RNF187: variants seen among roughly 807,000 people sequenced by gnomAD.
RNF187 encodes the protein ring finger protein 187, also known as E3 ubiquitin-protein ligase RNF187.
Under a neutral mutation model 22.2 loss-of-function variants are expected in RNF187, and 18 were observed. The observed-to-expected ratio is 0.81, with a 90% CI of 0.56 to 1.20. The LOEUF is 1.20. Among genes scored for constraint, RNF187 ranks in the 50% most tolerant of loss-of-function variants. The pLI is 0.00. For synonymous variants in RNF187, 164 were observed against 140.9 expected, an observed-to-expected ratio of 1.16 and a Z score of -1.16; for missense variants, 329 against 317.6, an observed-to-expected ratio of 1.04 and a Z score of -0.27.
chr1:228,487,685 C>T lies in RNF187; in HGVS notation c.197C>T (p.Pro66Leu). ...CAGCGCGCCGTGGAGCCCGGCAGGC[C>T]CCCGCTCAGCCGCCGCCTTCTGGCG... Residue 66 changes from proline to leucine, a missense_variant, in exon 1 of 4, where the codon CCC (proline) becomes CTC (leucine). Transcript: ENST00000305943. 10 of 1,081,978 alleles carry T rather than the reference C, an allele frequency of 9.2e-6. No homozygotes were observed. The highest frequency in any genetic ancestry group is 1.1e-5 in the Non-Finnish European group (10 of 892,876). The allele number at this position is 1,081,978 out of a possible 1,614,324, so 67.0% of individuals were successfully genotyped here. A position where few individuals can be genotyped will look rare whatever the true frequency, so the allele number is the denominator to read the frequency against.
chr1:228,490,584 C>T, intron 2 of RNF187, among the ~76,000 whole-genome samples: 7 of 152,324 alleles, frequency 4.6e-5, no homozygotes, highest in African/African-American at 1.2e-4. Context: ...GAGTTTGCAG[C>T]GTGTTGCATC....
In RNF187 at chr1:228,495,509, C is replaced by T; in HGVS notation, c.*1624C>T. On this transcript the variant is annotated 3_prime_UTR_variant, in exon 4 of 4. Transcript: ENST00000305943. ...AACAACATCCCGACCCTGAGACCTC[C>T]AGTTTGTCTTTCTCACTGTCTCCGC... 1 of 985,482 alleles carries T rather than the reference C, an allele frequency of 1.0e-6. No individual in the cohort carries two copies. The allele number at this position is 985,482 out of a possible 1,614,324, so 61.0% of individuals were successfully genotyped here.
chr1:228,495,006 C>A lies in RNF187; in HGVS notation c.*1121C>A. 1 of 985,726 alleles carries A rather than the reference C, an allele frequency of 1.0e-6. No homozygotes were observed. The highest frequency in any genetic ancestry group is 1.2e-6 in the Non-Finnish European group (1 of 830,220). The allele number at this position is 985,726 out of a possible 1,614,324, so 61.1% of individuals were successfully genotyped here. On this transcript the variant is annotated 3_prime_UTR_variant, in exon 4 of 4. Transcript: ENST00000305943. ...TCGTCTCCGTGTGTCCACCTGGCCT[C>A]TTCCCCCTGCCCTGGCCACCCTCCA...
At position 228,493,030 on chromosome 1, in the gene RNF187, C is replaced by A; in HGVS notation, c.484-23C>A. On this transcript the variant is annotated intron_variant, in intron 2 of 3. Transcript: ENST00000305943. This position sits in a 1 kb window ranked among gnomAD's most constrained non-coding sequence, Gnocchi z 4.7. ...GGGGAGGGTGGGTGAGGACACAGGT[C>A]TTTTCCTGCCACCCGTTTGCAGGGA... The A allele has an allele frequency of 6.6e-7, 1 of 1,525,804 alleles. No homozygotes were observed. Among genetic ancestry groups the A allele is most frequent in the Non-Finnish European group, 8.8e-7 (1 of 1,131,442 alleles). The allele number at this position is 1,525,804 out of a possible 1,614,324, so 94.5% of individuals were successfully genotyped here.
At chr1:228,490,390 C>T in intron 2 of RNF187, among the ~76,000 whole-genome samples, 1 of 152,256 alleles carries the variant, frequency 6.6e-6, no homozygotes, top group African/African-American at 2.4e-5. Flanking sequence ...GAGTGGTCAA[C>T]ACTGCCCAGT....
At chr1:228,487,913 C>T in intron 1 of RNF187, 35 bp downstream of exon 1, 5 of 1,150,252 alleles carry the variant, frequency 4.3e-6, no homozygotes, top group African/African-American at 1.6e-5. Flanking sequence ...CCACCCCGGA[C>T]GGTGCCCTGC....
chr1:228,493,791 C>T lies in RNF187; in HGVS notation c.706-92C>T. On this transcript the variant is annotated intron_variant, in intron 3 of 3. Transcript: ENST00000305943. This position sits in a 1 kb window ranked among gnomAD's most constrained non-coding sequence, Gnocchi z 4.7. ...TCATGCGCTGTCTCATGTGCGCTCTCTCTTTCGCTCTCTCCTTTTGCCTCT... is the reference window on the plus strand; with the variant it reads ...TCATGCGCTGTCTCATGTGCGCTCTTTCTTTCGCTCTCTCCTTTTGCCTCT... The T allele has an allele frequency of 7.3e-7, 1 of 1,372,016 alleles. No individual in the cohort carries two copies. 85.0% of individuals were successfully genotyped at this position (1,372,016 alleles called of 1,614,324 possible).
intron 2 of RNF187, among the ~76,000 whole-genome samples, chr1:228,490,514 G>A: frequency 6.6e-6 from 1 of 152,222 alleles, no homozygotes; most frequent in African/African-American, 2.4e-5. Context: ...AATCTGTCCT[G>A]TTTTGGGGGT....
Position 228,489,309 on chromosome 1 carries a change from A to T in RNF187, c.483+257A>T. Among the ~76,000 whole-genome samples, 7 of 151,712 alleles carry T rather than the reference A, an allele frequency of 4.6e-5. No homozygotes were observed. In the East Asian group the frequency reaches 1.4e-3, roughly 29 times the overall value. On this transcript the variant is annotated intron_variant, in intron 2 of 3. Coordinates refer to ENST00000305943, the MANE Select transcript of RNF187 (RefSeq NM_001010858.3). Reference sequence around the variant, plus strand: ...TACCTGTAGGTGATGGCAGCATCAGACTTCTTTTTTTTTTCCCAAGAGACA... The same window carrying T: ...TACCTGTAGGTGATGGCAGCATCAGTCTTCTTTTTTTTTTCCCAAGAGACA...
chr1:228,495,853 C>T lies in RNF187; in HGVS notation c.*1968C>T. On this transcript the variant is annotated 3_prime_UTR_variant, in exon 4 of 4. Transcript: ENST00000305943. The stretch of plus-strand genomic sequence containing the variant: ...TTTTGGTGGTGAGAATATTTGAAAT[C>T]TACACTCAGCAATTTCAAATACAGT... The T allele has an allele frequency of 1.4e-6, 1 of 693,052 alleles. No individual in the cohort carries two copies. The highest frequency in any genetic ancestry group is 7.4e-4 in the Middle Eastern group (1 of 1,344). The allele number at this position is 693,052 out of a possible 1,614,324, so 42.9% of individuals were successfully genotyped here.
chr1:228,489,928 G>A, intron 2 of RNF187, among the ~76,000 whole-genome samples: 2 of 152,184 alleles, frequency 1.3e-5, no homozygotes, highest in Admixed American at 6.5e-5. Context: ...CCAGAGCAGC[G>A]TTACTTTCCT....
chr1:228,492,679 G>A lies in RNF187; in HGVS notation c.484-374G>A. Among the ~76,000 whole-genome samples the A allele has an allele frequency of 1.8e-4, 24 of 131,458 alleles. No homozygotes were observed. The South Asian group carries it at 5.7e-3, about 31-fold the overall frequency. The allele number at this position is 131,458 out of a possible 152,430, so 86.2% of individuals were successfully genotyped here. A position where few individuals can be genotyped will look rare whatever the true frequency, so the allele number is the denominator to read the frequency against. On this transcript the variant is annotated intron_variant, in intron 2 of 3. Transcript: ENST00000305943. ...CTCGCTCTGTCGCCCAGGCTGGAGT[G>A]CAGTAGCATGAACTCGGGCTCACTG...
At position 228,493,570 on chromosome 1, in the gene RNF187, A is replaced by G; in HGVS notation, c.705+296A>G. Among the ~76,000 whole-genome samples the G allele has an allele frequency of 6.6e-6, 1 of 152,238 alleles. No individual in the cohort carries two copies. The highest frequency in any genetic ancestry group is 2.4e-5 in the African/African-American group (1 of 41,460). On this transcript the variant is annotated intron_variant, in intron 3 of 3. Transcript: ENST00000305943. This position sits in a 1 kb window ranked among gnomAD's most constrained non-coding sequence, Gnocchi z 4.7. ...CCTCGCCCTGGGGTCCTGAAGGCAG[A>G]AGCAGCCAAGAAACCCAACCTCAGG...
chr1:228,492,289 A>G, intron 2 of RNF187, among the ~76,000 whole-genome samples: 10 of 151,412 alleles, frequency 6.6e-5, no homozygotes, highest in Non-Finnish European at 1.2e-4. Context: ...GGCTCAAGCA[A>G]TCCTCCCACC....
Position 228,495,419 on chromosome 1 carries a change from C to T in RNF187, c.*1534C>T. 4.2e-6 allele frequency: 4 copies of T among 944,602 alleles called. No individual in the cohort carries two copies. The highest frequency in any genetic ancestry group is 5.0e-6 in the Non-Finnish European group (4 of 792,850). 58.5% of individuals were successfully genotyped at this position (944,602 alleles called of 1,614,324 possible). A position where few individuals can be genotyped will look rare whatever the true frequency, so the allele number is the denominator to read the frequency against. On this transcript the variant is annotated 3_prime_UTR_variant, in exon 4 of 4. Transcript: ENST00000305943. ...ATTTCATAAGAAAGGGCAAAGAGGG[C>T]CCTAGGAGAAGATTCCAGAGCCTGG... is the stretch of plus-strand genomic sequence containing the variant.
In RNF187 at chr1:228,494,462, T is replaced by A; in HGVS notation, c.*577T>A. 1.0e-6 allele frequency: 1 copy of A among 989,306 alleles called. No homozygotes were observed. Among genetic ancestry groups the A allele is most frequent in the Non-Finnish European group, 1.2e-6 (1 of 832,164 alleles). 61.3% of individuals were successfully genotyped at this position (989,306 alleles called of 1,614,324 possible). A position where few individuals can be genotyped will look rare whatever the true frequency, so the allele number is the denominator to read the frequency against. Reference sequence around the variant, plus strand: ...TGGGCCCGGCCCAGCCTTATCCAAGTCGCTCTGTCCACCTCCCCCTTCCTG... The same window carrying A: ...TGGGCCCGGCCCAGCCTTATCCAAGACGCTCTGTCCACCTCCCCCTTCCTG... On this transcript the variant is annotated 3_prime_UTR_variant, in exon 4 of 4. Coordinates refer to ENST00000305943, the MANE Select transcript of RNF187 (RefSeq NM_001010858.3).
chr1:228,488,298 G>A, intron 1 of RNF187: 1 of 153,168 alleles, frequency 6.5e-6, no homozygotes, highest in Admixed American at 6.5e-5. Flanking sequence ...CTCTTCCCTT[G>A]GGGGAGACAT....
At chr1:228,490,020 G>A in intron 2 of RNF187, among the ~76,000 whole-genome samples, 7 of 152,186 alleles carry the variant, frequency 4.6e-5, no homozygotes, top group Non-Finnish European at 8.8e-5. Context: ...CTCTTTAGTC[G>A]TTTAAACTCT....
At chr1:228,491,407 AAAT>A in intron 2 of RNF187, among the ~76,000 whole-genome samples, 2 of 150,630 alleles carry the variant, frequency 1.3e-5, no homozygotes, top group Admixed American at 6.6e-5. Flanking sequence ...AAAAAAAAAA[AAAT>A]AAAGGGAGAT....
Sources: gnomAD v4.1 joint callset for allele counts (sites outside exome capture counted in the v4.1 genomes callset) on GRCh38, gnomAD v4.1.1 for gene constraint, Gnocchi (gnomAD v3.1) non-coding constraint, MANE v1.5 for transcripts, NCBI Gene and HGNC (gene_info 2026-07-23, HGNC 2026-07-21) for gene names.